The following LRP1B variants were observed in gnomAD, a reference collection of about 807,000 sequenced individuals.
LRP1B encodes low-density lipoprotein receptor-related protein 1B.
In LRP1B, 217 loss-of-function variants were observed where a neutral mutation model predicts 556.6. The ratio of observed to expected loss-of-function variants is 0.39; its 90% CI spans 0.35 to 0.44. The LOEUF (loss-of-function observed/expected upper bound fraction) is 0.44, where lower values mean the gene tolerates loss of function less well. Ranked by LOEUF, LRP1B falls within the 20% of genes least tolerant of loss-of-function variation. The pLI, the probability that LRP1B is intolerant of heterozygous loss-of-function variation, is 1.00. For missense variants in LRP1B, 5,053 were observed against 5,620.8 expected (o/e 0.90, Z 3.23); for synonymous variants, 2,047 against 1,865.8 (o/e 1.10, Z -2.50).
chr2:141,815,318 T>C (rs919327714), intron 1 of LRP1B, among the ~76,000 whole-genome samples: 2 of 152,180 alleles, frequency 1.3e-5, no homozygotes, highest in African/African-American at 4.8e-5. Context: ...TTTTAGAAAT[T>C]TGAAGAAGGT....
chr2:141,227,193 T>C (rs1358412386), intron 6 of LRP1B, among the ~76,000 whole-genome samples: 1 of 152,180 alleles, frequency 6.6e-6, no homozygotes, highest in Non-Finnish European at 1.5e-5. Flanking sequence ...TTTTAAAACA[T>C]ATATTAAAGA....
chr2:141,386,251 C>A (rs1355550320), intron 3 of LRP1B, among the ~76,000 whole-genome samples: 4 of 152,062 alleles, frequency 2.6e-5, no homozygotes, highest in Admixed American at 1.3e-4. Context: ...AAATCCCCCC[C>A]AAAAATCCAA....
At chr2:140,904,296 T>C (rs2105225950) in intron 22 of LRP1B, among the ~76,000 whole-genome samples, 1 of 152,214 alleles carries the variant, frequency 6.6e-6, no homozygotes, top group South Asian at 2.1e-4. Flanking sequence ...TACCACTGTG[T>C]ACCATTAGGT....
chr2:142,023,420 A>G (rs1703407846), intron 1 of LRP1B, among the ~76,000 whole-genome samples: 1 of 152,140 alleles, frequency 6.6e-6, no homozygotes. Flanking sequence ...TTTTCTTTTT[A>G]AATAAGTTGA....
At chr2:140,533,905 G>T in intron 47 of LRP1B, 116 bp downstream of exon 47, 1 of 1,043,832 alleles carries the variant, frequency 9.6e-7, no homozygotes, top group Non-Finnish European at 1.4e-6. Context: ...ACCAAAGTGT[G>T]ATCCATAGAT....
chr2:141,730,836 C>T (rs1370545108), intron 2 of LRP1B, among the ~76,000 whole-genome samples: 1 of 152,194 alleles, frequency 6.6e-6, no homozygotes, highest in African/African-American at 2.4e-5. Context: ...TACTAAGCTT[C>T]ATATTCTTCA....
intron 55 of LRP1B, among the ~76,000 whole-genome samples, chr2:140,499,031 T>C (rs1303466221): frequency 6.6e-6 from 1 of 151,912 alleles, no homozygotes; most frequent in Non-Finnish European, 1.5e-5. Context: ...GATTAAATAC[T>C]TTTGTCTATT....
intron 18 of LRP1B, among the ~76,000 whole-genome samples, chr2:140,952,257 T>C (rs1021043965): frequency 7.2e-5 from 11 of 152,162 alleles, no homozygotes; most frequent in Admixed American, 7.2e-4. Context: ...CAACATTCAC[T>C]CAGTGGATAA....
intron 45 of LRP1B, among the ~76,000 whole-genome samples, chr2:140,538,177 A>T (rs948444974): frequency 6.6e-6 from 1 of 152,096 alleles, no homozygotes; most frequent in African/African-American, 2.4e-5. Flanking sequence ...CCTAGAATTT[A>T]ATTAATTTAG....
At chr2:141,770,962 T>C (rs1288575294) in intron 2 of LRP1B, among the ~76,000 whole-genome samples, 3 of 152,248 alleles carry the variant, frequency 2.0e-5, no homozygotes, top group Non-Finnish European at 4.4e-5. Flanking sequence ...TGTTGCTTAA[T>C]TATAAACAGA....
intron 3 of LRP1B, among the ~76,000 whole-genome samples, chr2:141,454,937 C>A (rs537681337): frequency 1.3e-5 from 2 of 152,238 alleles, no homozygotes; most frequent in East Asian, 3.9e-4. Context: ...CTTTTATATA[C>A]AATATCCAAT....
chr2:141,699,593 T>G (rs1691862572), intron 2 of LRP1B, among the ~76,000 whole-genome samples: 1 of 151,538 alleles, frequency 6.6e-6, no homozygotes, highest in South Asian at 2.1e-4. Context: ...TGTACCCTGT[T>G]ACAACCCTGG....
intron 35 of LRP1B, among the ~76,000 whole-genome samples, chr2:140,717,844 T>A (rs917174443): frequency 2.6e-5 from 4 of 152,122 alleles, no homozygotes; most frequent in African/African-American, 7.2e-5. Context: ...TAGTCTTTAC[T>A]TTTACCAGTT....
intron 1 of LRP1B, among the ~76,000 whole-genome samples, chr2:142,042,688 C>T (rs1704104657): frequency 6.6e-6 from 1 of 151,448 alleles, no homozygotes; most frequent in African/African-American, 2.4e-5. Context: ...AAACATATTG[C>T]CTGGTTAAAA....
chr2:141,197,724 T>C (rs1681815671), intron 6 of LRP1B, among the ~76,000 whole-genome samples: 1 of 152,142 alleles, frequency 6.6e-6, no homozygotes, highest in Non-Finnish European at 1.5e-5. Flanking sequence ...GGAAATATGG[T>C]AACTTCAAAG....
intron 3 of LRP1B, among the ~76,000 whole-genome samples, chr2:141,434,921 C>A (rs566380253): frequency 6.6e-6 from 1 of 152,278 alleles, no homozygotes; most frequent in Admixed American, 6.5e-5. Context: ...CCAGCACAAA[C>A]CACTTATTTG....
intron 1 of LRP1B, 23 bp from the exon 2 acceptor site, chr2:141,810,424 A>G: frequency 6.2e-7 from 1 of 1,610,860 alleles, no homozygotes; most frequent in Non-Finnish European, 8.5e-7. Context: ...ATGTTTCGAA[A>G]TAAAATATGA....
chr2:140,379,524 G>A (rs1057107057), intron 67 of LRP1B, among the ~76,000 whole-genome samples: 18 of 151,974 alleles, frequency 1.2e-4, no homozygotes, highest in Non-Finnish European at 2.2e-4. Flanking sequence ...GCAAAAACCC[G>A]TCTCTACTAA....
At chr2:141,863,890 T>C (rs1239226255) in intron 1 of LRP1B, among the ~76,000 whole-genome samples, 1 of 152,150 alleles carries the variant, frequency 6.6e-6, no homozygotes, top group African/African-American at 2.4e-5. Flanking sequence ...AATGAACTTA[T>C]AAGACAGGAA....
Sources: gnomAD v4.1 joint callset for allele counts (sites outside exome capture counted in the v4.1 genomes callset) on GRCh38, gnomAD v4.1.1 for gene constraint, MANE v1.5 for transcripts, NCBI Gene and HGNC (gene_info 2026-07-23, HGNC 2026-07-21) for gene names.